The following WWOX variants were observed in gnomAD, a reference collection of about 807,000 sequenced individuals.
The protein encoded by WWOX is WW domain-containing oxidoreductase.
WWOX carries 69 observed loss-of-function variants against 46.2 expected under a neutral mutation model. That is an observed-to-expected ratio of 1.49 (90% CI 1.23 to 1.82). WWOX has a LOEUF of 1.82. WWOX is among the 40% of genes most tolerant of loss of function. WWOX has a pLI of 0.00. For synonymous variants in WWOX, 359 were observed against 202.6 expected, an observed-to-expected ratio of 1.77 and a Z score of -6.56; for missense variants, 919 against 542.6, an observed-to-expected ratio of 1.69 and a Z score of -6.89.
At chr16:79,060,574 G>A (rs1315163245) in intron 8 of WWOX, among the ~76,000 whole-genome samples, 1 of 152,212 alleles carries the variant, frequency 6.6e-6, no homozygotes, top group Non-Finnish European at 1.5e-5. Flanking sequence ...TAAGGGCTTG[G>A]CAAACCAAGA....
chr16:78,255,524 G>T (rs772755722), intron 5 of WWOX, among the ~76,000 whole-genome samples: 5 of 152,120 alleles, frequency 3.3e-5, no homozygotes, highest in Non-Finnish European at 5.9e-5. Context: ...TTATCCAAAA[G>T]AATTTACATT....
chr16:79,049,793 C>G (rs1254449151), intron 8 of WWOX, among the ~76,000 whole-genome samples: 1 of 150,560 alleles, frequency 6.6e-6, no homozygotes, highest in African/African-American at 2.5e-5. Context: ...TGAGATCATC[C>G]CACCGCACAC....
intron 8 of WWOX, among the ~76,000 whole-genome samples, chr16:78,725,344 C>CTTTTTTT (rs1220702069): frequency 5.3e-4 from 33 of 61,878 alleles, no homozygotes; most frequent in Admixed American, 1.2e-3. Context: ...CTTTTCTTTT[C>CTTTTTTT]TTTTTTTTTT....
At chr16:78,387,320 T>G (rs1399137338) in intron 6 of WWOX, among the ~76,000 whole-genome samples, 1 of 152,198 alleles carries the variant, frequency 6.6e-6, no homozygotes, top group Non-Finnish European at 1.5e-5. Flanking sequence ...GTAAACTCAG[T>G]TATCCAGTAT....
intron 7 of WWOX, among the ~76,000 whole-genome samples, chr16:78,427,001 A>G (rs1014670482): frequency 6.6e-6 from 1 of 152,216 alleles, no homozygotes; most frequent in South Asian, 2.1e-4. Flanking sequence ...CAAAATGGCA[A>G]TTTCCCCAGG....
At chr16:79,122,310 C>G (rs919683980) in intron 8 of WWOX, among the ~76,000 whole-genome samples, 9 of 152,114 alleles carry the variant, frequency 5.9e-5, no homozygotes, top group African/African-American at 2.2e-4. Flanking sequence ...AGCAACGAGT[C>G]CCTTGTTCAG....
At chr16:79,163,658 C>G (rs1030251323) in intron 8 of WWOX, among the ~76,000 whole-genome samples, 6 of 152,002 alleles carry the variant, frequency 3.9e-5, no homozygotes, top group African/African-American at 1.4e-4. Context: ...ATTAGCCTGG[C>G]ATAGTGGTGC....
intron 8 of WWOX, among the ~76,000 whole-genome samples, chr16:79,104,046 G>C (rs1322293154): frequency 8.3e-6 from 1 of 120,852 alleles, no homozygotes; most frequent in Non-Finnish European, 1.8e-5. Context: ...TTGGGGGGGG[G>C]GGGGCGGGTG....
intron 8 of WWOX, among the ~76,000 whole-genome samples, chr16:78,811,485 C>G (rs933590403): frequency 1.3e-5 from 2 of 151,414 alleles, no homozygotes; most frequent in African/African-American, 4.9e-5. Context: ...TCCTTTCTCT[C>G]TCCCTCCCTC....
chr16:79,010,597 G>A (rs2047284140), intron 8 of WWOX, among the ~76,000 whole-genome samples: 1 of 152,156 alleles, frequency 6.6e-6, no homozygotes, highest in Non-Finnish European at 1.5e-5. Flanking sequence ...AATAACATAT[G>A]AGAAGGCAGG....
At chr16:79,207,937 C>T (rs949169999) in intron 8 of WWOX, among the ~76,000 whole-genome samples, 6 of 152,142 alleles carry the variant, frequency 3.9e-5, no homozygotes, top group Admixed American at 2.6e-4. Context: ...AGCTACTTAA[C>T]ATTTTCATCC....
At chr16:78,780,692 A>T (rs934711474) in intron 8 of WWOX, among the ~76,000 whole-genome samples, 1 of 152,184 alleles carries the variant, frequency 6.6e-6, no homozygotes, top group Non-Finnish European at 1.5e-5. Flanking sequence ...AGAACAGTCT[A>T]GGCAAGGTGA....
In WWOX at chr16:78,718,379, G is replaced by A. The variant is rs76766187; in HGVS notation, c.1056+285627G>A. On this transcript the variant is annotated intron_variant, in intron 8 of 8. Coordinates refer to ENST00000566780, the MANE Select transcript of WWOX (RefSeq NM_016373.4). ...AACGACTAGCTCAGAAGTTATCATT[G>A]TGTTTTTATAGTATTTGGAGTTAAA... is the stretch of plus-strand genomic sequence containing the variant. Among the ~76,000 whole-genome samples the A allele has an allele frequency of 4.1e-3, 626 of 152,188 alleles. 3 individuals carry two copies. Among genetic ancestry groups the A allele is most frequent in the African/African-American group, 0.015 (605 of 41,514 alleles).
At chr16:78,758,084 CTAAT>C (rs2049700619) in intron 8 of WWOX, among the ~76,000 whole-genome samples, 1 of 152,102 alleles carries the variant, frequency 6.6e-6, no homozygotes, top group African/African-American at 2.4e-5. Context: ...TATTGAAGAT[CTAAT>C]TAATGTTGAA....
At chr16:78,666,901 G>A (rs1002008994) in intron 8 of WWOX, among the ~76,000 whole-genome samples, 2 of 152,192 alleles carry the variant, frequency 1.3e-5, no homozygotes, top group Admixed American at 6.5e-5. Context: ...TAAGTCAGAA[G>A]GCAGCTTCTC....
intron 6 of WWOX, among the ~76,000 whole-genome samples, chr16:78,416,259 G>C (rs2082795440): frequency 6.6e-6 from 1 of 152,138 alleles, no homozygotes; most frequent in South Asian, 2.1e-4. Flanking sequence ...GAATTGCAAT[G>C]GCTTTTAGTC....
At chr16:78,957,571 A>T (rs2046192928) in intron 8 of WWOX, among the ~76,000 whole-genome samples, 1 of 152,148 alleles carries the variant, frequency 6.6e-6, no homozygotes, top group Non-Finnish European at 1.5e-5. Context: ...TTTCTGGTGA[A>T]ATACCCGTGA....
rs760069352 is a variant in WWOX, at chr16:78,510,420, G to A, written c.1056+77668G>A. Among the ~76,000 whole-genome samples the A allele has an allele frequency of 2.2e-4, 33 of 152,064 alleles. 1 individual carries two copies. Among genetic ancestry groups the A allele is most frequent in the Non-Finnish European group, 7.4e-5 (5 of 68,010 alleles). ...GGAGTTTCACCCTTTTGATTGGTTG[G>A]CCAGTATGGTCTCAAACTCCTGACC... On this transcript the variant is annotated intron_variant, in intron 8 of 8. Coordinates refer to ENST00000566780, the MANE Select transcript of WWOX (RefSeq NM_016373.4).
At chr16:78,613,759 A>G (rs529503029) in intron 8 of WWOX, among the ~76,000 whole-genome samples, 109 of 152,332 alleles carry the variant, frequency 7.2e-4, no homozygotes, top group African/African-American at 2.5e-3. Flanking sequence ...AATGGGAACA[A>G]GATCCCAACC....
Sources: gnomAD v4.1 joint callset for allele counts (sites outside exome capture counted in the v4.1 genomes callset) on GRCh38, gnomAD v4.1.1 for gene constraint, MANE v1.5 for transcripts, NCBI Gene and HGNC (gene_info 2026-07-23, HGNC 2026-07-21) for gene names.